Variants in PHC3 observed in about 807,000 individuals in gnomAD.
PHC3 encodes the protein polyhomeotic homolog 3, also known as polyhomeotic-like protein 3.
Under a neutral mutation model 107.4 loss-of-function variants are expected in PHC3, and 13 were observed. That is an observed-to-expected ratio of 0.12 (90% CI 0.08 to 0.19). The LOEUF (loss-of-function observed/expected upper bound fraction) is 0.19. PHC3 is among the 10% of genes least tolerant of loss of function. The pLI is 1.00. For synonymous variants in PHC3, 456 were observed against 427.4 expected, an observed-to-expected ratio of 1.07 and a Z score of -0.83; for missense variants, 992 against 1,210.9, an observed-to-expected ratio of 0.82 and a Z score of 2.68.
intron 6 of PHC3, 150 bp downstream of exon 6, chr3:170,145,273 G>T: frequency 1.9e-6 from 1 of 537,640 alleles, no homozygotes. Context: ...ACATTTTCTT[G>T]AAGTTCTCAT....
In PHC3 at chr3:170,178,847, T is replaced by C. The variant is rs976688294; in HGVS notation, c.106A>G (p.Ile36Val). Reference sequence around the variant, plus strand: ...TGCATTCGAGAGGAGGAAGTGGTGATGGTGGTGGTGGTGGTACTGCTGGTT... The same window carrying C: ...TGCATTCGAGAGGAGGAAGTGGTGACGGTGGTGGTGGTGGTACTGCTGGTT... ...TTTSSTTTTT[I>V]TTSSSRMQQP... Residue 36 changes from isoleucine to valine, a missense_variant, in exon 2 of 15, where the codon ATC becomes GTC. By Grantham distance (29) the Ile-to-Val change is conservative (BLOSUM62 3). Around this residue, in one of 6 missense-constraint regions of PHC3, gnomAD observed 161 missense variants for 183.7 expected, o/e 0.88. Transcript: ENST00000495893. 1 of 1,609,996 alleles carries C rather than the reference T, an allele frequency of 6.2e-7. No individual in the cohort carries two copies.
chr3:170,134,147 T>TAA (rs1253102265), intron 7 of PHC3, among the ~76,000 whole-genome samples: 1 of 145,494 alleles, frequency 6.9e-6, no homozygotes. Context: ...CACAGAGGTT[T>TAA]AAAAAAAAAA....
chr3:170,167,924 T>G lies in PHC3; in HGVS notation c.414+3449A>C, dbSNP rs1023528399. Reference sequence around the variant, plus strand: ...CATAATCCCAGCACTTTGTGACCTGTGGTTGGAGGATCACTTGAGCTCAGG... The same window carrying G: ...CATAATCCCAGCACTTTGTGACCTGGGGTTGGAGGATCACTTGAGCTCAGG... On this transcript the variant is annotated intron_variant, in intron 4 of 14. Coordinates refer to ENST00000495893, the MANE Select transcript of PHC3 (RefSeq NM_024947.4). Among the ~76,000 whole-genome samples, 4 of 151,838 alleles carry G rather than the reference T, an allele frequency of 2.6e-5. No individual in the cohort carries two copies. In the East Asian group the frequency reaches 7.7e-4, roughly 29 times the overall value.
chr3:170,121,343 T>A (rs1215556073), intron 9 of PHC3, among the ~76,000 whole-genome samples: 2 of 152,006 alleles, frequency 1.3e-5, no homozygotes, highest in African/African-American at 4.8e-5. Context: ...GCAGAAAAGA[T>A]CTGAACAGTG....
Position 170,129,026 on chromosome 3 carries a change from C to A in PHC3, c.1446G>T (p.Gln482His). 6.2e-7 allele frequency: 1 copy of A among 1,613,178 alleles called. No homozygotes were observed. Among genetic ancestry groups the A allele is most frequent in the Middle Eastern group, 1.6e-4 (1 of 6,062 alleles). Reference sequence around the variant, plus strand: ...GGCCTGGGGATACCAAGGCAGACTGCTGAACTGGGCCAATGTGTACAACAG... The same window carrying A: ...GGCCTGGGGATACCAAGGCAGACTGATGAACTGGGCCAATGTGTACAACAG... Reference protein sequence around the residue: ...ASPVVHIGPVQQSALVSPGQQ... With the variant: ...ASPVVHIGPVHQSALVSPGQQ... The change falls in exon 8 of 15, where the codon CAG becomes CAT. Residue 482 changes from glutamine to histidine, a missense_variant. Gln to His is a conservative substitution (Grantham distance 24). This residue lies in a region of PHC3 where 543 missense variants were observed against 590.8 expected (regional missense o/e 0.92). Coordinates refer to ENST00000495893, the MANE Select transcript of PHC3 (RefSeq NM_024947.4).
intron 4 of PHC3, among the ~76,000 whole-genome samples, chr3:170,168,093 T>C (rs377057213): frequency 1.3e-5 from 2 of 151,858 alleles, no homozygotes; most frequent in African/African-American, 4.8e-5. Context: ...GCCTGGGAGA[T>C]TGAGGCGGTA....
At chr3:170,120,005 G>A (rs1340108007) in intron 9 of PHC3, among the ~76,000 whole-genome samples, 2 of 152,102 alleles carry the variant, frequency 1.3e-5, no homozygotes, top group African/African-American at 2.4e-5. Context: ...ATGGAAAGAC[G>A]TTCTTGTGTT....
At chr3:170,103,063 T>G in intron 12 of PHC3, 129 bp from the exon 13 acceptor site, 1 of 945,660 alleles carries the variant, frequency 1.1e-6, no homozygotes. Context: ...ATGTAAGACC[T>G]CATAAAGTAA....
chr3:170,114,916 T>C (rs1007701933), intron 10 of PHC3, among the ~76,000 whole-genome samples: 5 of 152,214 alleles, frequency 3.3e-5, no homozygotes, highest in Non-Finnish European at 5.9e-5. Flanking sequence ...AGATATTTAA[T>C]ATGCCTCAAG....
At chr3:170,124,217 TTTG>T (rs1363992473) in intron 8 of PHC3, among the ~76,000 whole-genome samples, 9 of 152,222 alleles carry the variant, frequency 5.9e-5, no homozygotes, top group Admixed American at 1.3e-4. Context: ...TTTAATTTAA[TTTG>T]TTATCATTTA....
intron 2 of PHC3, among the ~76,000 whole-genome samples, chr3:170,176,529 A>G (rs1009114234): frequency 6.6e-6 from 1 of 152,196 alleles, no homozygotes; most frequent in Non-Finnish European, 1.5e-5. Context: ...TAGAAAAAAT[A>G]AGAATTCACA....
chr3:170,136,913 A>C (rs1577112364), intron 6 of PHC3, among the ~76,000 whole-genome samples: 2 of 152,002 alleles, frequency 1.3e-5, no homozygotes. Context: ...AGGGAGAGAA[A>C]AAAAAGAAAG....
At chr3:170,107,675 C>T (rs1046517895) in intron 11 of PHC3, among the ~76,000 whole-genome samples, 8 of 138,038 alleles carry the variant, frequency 5.8e-5, no homozygotes, top group African/African-American at 2.1e-4. Flanking sequence ...AAAATAAAAA[C>T]TAGGCTTAAA....
At position 170,172,603 on chromosome 3, in the gene PHC3, T is replaced by C; in HGVS notation, c.290A>G (p.Gln97Arg). The C allele has an allele frequency of 6.2e-7, 1 of 1,613,710 alleles. No homozygotes were observed. Among genetic ancestry groups the C allele is most frequent in the African/African-American group, 1.3e-5 (1 of 75,064 alleles). Residue 97 changes from glutamine to arginine, a missense_variant, in exon 3 of 15, where the codon CAG becomes CGG. Around this residue, in one of 6 missense-constraint regions of PHC3, gnomAD observed 161 missense variants for 183.7 expected, o/e 0.88. Coordinates refer to ENST00000495893, the MANE Select transcript of PHC3 (RefSeq NM_024947.4). ...AAGCTGGGAGCTGCTTAAATGCTGC[T>C]GCTGAAGAGCTGCAGTATGCAGCAT... ...HLMLHTAALQ[Q>R]QHLSSSQLQS...
rs1427017822 is a variant in PHC3, at chr3:170,089,740, A to G, written c.*7490T>C. On this transcript the variant is annotated 3_prime_UTR_variant, in exon 15 of 15. Transcript: ENST00000495893. ...GAGACTAGCCTGGCCAACATGGTGAAGCCCCGTCTCTACTAAAAATACAAA... is the reference window on the plus strand; with the variant it reads ...GAGACTAGCCTGGCCAACATGGTGAGGCCCCGTCTCTACTAAAAATACAAA... The G allele has an allele frequency of 6.6e-6, 1 of 151,954 alleles. No individual in the cohort carries two copies. The highest frequency in any genetic ancestry group is 2.4e-5 in the African/African-American group (1 of 41,338). 9.4% of individuals were successfully genotyped at this position (151,954 alleles called of 1,614,324 possible).
chr3:170,126,505 T>C (rs988446908), intron 8 of PHC3, among the ~76,000 whole-genome samples: 1 of 88,858 alleles, frequency 1.1e-5, no homozygotes, highest in Non-Finnish European at 2.2e-5. Context: ...GCTCCATATG[T>C]ATATATATAT....
chr3:170,121,978 C>T (rs1720435260), intron 9 of PHC3, among the ~76,000 whole-genome samples: 1 of 152,148 alleles, frequency 6.6e-6, no homozygotes, highest in African/African-American at 2.4e-5. Flanking sequence ...CCAGGCTGGG[C>T]ATGGTAGCTC....
intron 4 of PHC3, among the ~76,000 whole-genome samples, chr3:170,158,487 AGCTACTTGGGAG>A (rs960654514): frequency 1.3e-5 from 2 of 152,124 alleles, no homozygotes; most frequent in African/African-American, 2.4e-5. Context: ...CTGTAATCCC[AGCTACTTGGGAG>A]GCTGAGGCAG....
Position 170,097,220 on chromosome 3 carries a change from C to T in PHC3, c.*10G>A, listed in dbSNP as rs779342767. 1.9e-6 allele frequency: 3 copies of T among 1,593,352 alleles called. No homozygotes were observed. In the Admixed American group the frequency reaches 5.1e-5, roughly 27 times the overall value. On this transcript the variant is annotated 3_prime_UTR_variant, in exon 15 of 15. Coordinates refer to ENST00000495893, the MANE Select transcript of PHC3 (RefSeq NM_024947.4). The surrounding 1 kb of genome is among the most constrained non-coding windows in gnomAD (Gnocchi z 4.1). ...TAAAACTGCTGTTTTATCAAGGCTTCATGTTCCTGTTAAGATTCCTTCAGA... is the reference window on the plus strand; with the variant it reads ...TAAAACTGCTGTTTTATCAAGGCTTTATGTTCCTGTTAAGATTCCTTCAGA...
Sources: allele counts gnomAD v4.1 joint callset (sites outside exome capture counted in the v4.1 genomes callset), GRCh38; gene constraint gnomAD v4.1.1; regional missense constraint gnomAD v4.1.1; non-coding constraint Gnocchi (gnomAD v3.1); transcripts MANE v1.5; gene names NCBI Gene and HGNC (gene_info 2026-07-23, HGNC 2026-07-21).